ADAM22: variants seen among roughly 807,000 people sequenced by gnomAD.
ADAM22 encodes the protein disintegrin and metalloproteinase domain-containing protein 22.
A neutral mutation model predicts 144.6 loss-of-function variants in ADAM22; 65 were observed. The observed-to-expected ratio is 0.45, with a 90% CI of 0.37 to 0.55. ADAM22 has a LOEUF of 0.55. ADAM22 is among the 20% of genes least tolerant of loss of function. The pLI, the probability that ADAM22 is intolerant of heterozygous loss-of-function variation, is 0.00. For missense variants in ADAM22, 974 were observed against 1,184.9 expected, an observed-to-expected ratio of 0.82 and a Z score of 2.61; for synonymous variants, 391 against 412.6, an observed-to-expected ratio of 0.95 and a Z score of 0.63.
intron 2 of ADAM22, among the ~76,000 whole-genome samples, chr7:87,952,351 AG>A (rs1454313297): frequency 6.6e-6 from 1 of 151,884 alleles, no homozygotes; most frequent in Non-Finnish European, 1.5e-5. Flanking sequence ...TTTAGCATGA[AG>A]GGCTGTTGAA....
rs10952913 is a variant in ADAM22 at position 88,123,213 on chromosome 7, T to G, written c.608-2376T>G. 2.0e-5 allele frequency among the ~76,000 whole-genome samples: 3 copies of G among 151,994 alleles called. No individual in the cohort carries two copies. The East Asian group carries it at 5.8e-4, about 29-fold the overall frequency. On this transcript the variant is annotated intron_variant, in intron 7 of 31. Coordinates refer to ENST00000413139, the MANE Select transcript of ADAM22 (RefSeq NM_001324418.2). ...GTAAAATATAGGTTCAGAAAGCATA[T>G]TGGACTGTAGTTTTCTTTTCTGGTT...
At chr7:87,964,259 C>T (rs1848581989) in intron 2 of ADAM22, among the ~76,000 whole-genome samples, 1 of 152,276 alleles carries the variant, frequency 6.6e-6, no homozygotes, top group African/African-American at 2.4e-5. Context: ...AATGTATACA[C>T]GTGCACACAC....
intron 2 of ADAM22, among the ~76,000 whole-genome samples, chr7:87,957,557 C>T (rs1221001769): frequency 6.6e-6 from 1 of 151,924 alleles, no homozygotes; most frequent in Non-Finnish European, 1.5e-5. Flanking sequence ...TGGTGTGCAT[C>T]CTTTCCGTCT....
At chr7:88,184,300 C>G in intron 29 of ADAM22, 1 of 411,942 alleles carries the variant, frequency 2.4e-6, no homozygotes, top group South Asian at 1.7e-5. Context: ...AGGAGGGAGC[C>G]CCAAGCACCT....
Position 88,197,339 on chromosome 7 carries a change from G to A in ADAM22, c.*848G>A, listed in dbSNP as rs1248830397. ...CCTTTAACCTGTGCACAGTCTGGAG[G>A]CAGTTTTATTGAGTGAGTAGTTGAG... On this transcript the variant is annotated 3_prime_UTR_variant, in exon 32 of 32. Coordinates refer to ENST00000413139, the MANE Select transcript of ADAM22 (RefSeq NM_001324418.2). 3 of 152,186 alleles carry A rather than the reference G, an allele frequency of 2.0e-5. No individual in the cohort carries two copies. Among genetic ancestry groups the A allele is most frequent in the Non-Finnish European group, 4.4e-5 (3 of 68,040 alleles). 9.4% of individuals were successfully genotyped at this position (152,186 alleles called of 1,614,324 possible). A position where few individuals can be genotyped will look rare whatever the true frequency, so the allele number is the denominator to read the frequency against.
At chr7:88,064,827 T>C (rs1810807477) in intron 3 of ADAM22, among the ~76,000 whole-genome samples, 1 of 152,174 alleles carries the variant, frequency 6.6e-6, no homozygotes, top group Admixed American at 6.6e-5. Context: ...TTTGGAAGGA[T>C]GCATCCATTC....
intron 12 of ADAM22, among the ~76,000 whole-genome samples, 169 bp from the exon 13 acceptor site, chr7:88,134,160 C>T (rs1468581317): frequency 6.6e-6 from 1 of 152,110 alleles, no homozygotes; most frequent in Admixed American, 6.6e-5. Context: ...TTGTTTCTTA[C>T]TACTTTTTCC....
At chr7:88,007,674 G>T (rs1337419135) in intron 3 of ADAM22, among the ~76,000 whole-genome samples, 1 of 152,152 alleles carries the variant, frequency 6.6e-6, no homozygotes, top group Non-Finnish European at 1.5e-5. Flanking sequence ...AATAAATGGT[G>T]CTGGGAAAAC....
chr7:88,100,736 G>T (rs894664910), intron 4 of ADAM22, among the ~76,000 whole-genome samples: 2 of 152,050 alleles, frequency 1.3e-5, no homozygotes, highest in African/African-American at 2.4e-5. Flanking sequence ...GACTTGTCTT[G>T]AACTCCTGGC....
intron 3 of ADAM22, among the ~76,000 whole-genome samples, chr7:88,045,897 T>TGTGTAC (rs1462741408): frequency 6.9e-6 from 1 of 144,792 alleles, no homozygotes; most frequent in Admixed American, 6.8e-5. Context: ...ATTGTGTGTG[T>TGTGTAC]GTGTGTGTGT....
chr7:88,115,569 C>T (rs1360015448), intron 6 of ADAM22, among the ~76,000 whole-genome samples: 5 of 152,098 alleles, frequency 3.3e-5, no homozygotes, highest in African/African-American at 1.2e-4. Context: ...TATAAGGGTA[C>T]CAGCTATACT....
intron 3 of ADAM22, among the ~76,000 whole-genome samples, chr7:88,056,540 G>C (rs961816915): frequency 6.6e-6 from 1 of 152,302 alleles, no homozygotes. Context: ...GCTGAATTTA[G>C]TTTGAGGAAT....
At chr7:88,193,767 T>C (rs569872826) in intron 31 of ADAM22, among the ~76,000 whole-genome samples, 1 of 152,356 alleles carries the variant, frequency 6.6e-6, no homozygotes, top group East Asian at 1.9e-4. Flanking sequence ...AAATAAAGCT[T>C]ATAAGCCTCG....
chr7:88,005,608 G>C (rs1472274821), intron 3 of ADAM22, among the ~76,000 whole-genome samples: 5 of 152,134 alleles, frequency 3.3e-5, no homozygotes, highest in Admixed American at 3.3e-4. Context: ...ATTATACACA[G>C]ATGCTTAAGG....
intron 5 of ADAM22, among the ~76,000 whole-genome samples, chr7:88,111,797 AT>A (rs1457298738): frequency 2.6e-5 from 4 of 152,138 alleles, no homozygotes; most frequent in African/African-American, 7.2e-5. Flanking sequence ...AAACACATGT[AT>A]TTTTTCATTA....
At chr7:88,166,764 G>A (rs116620810) in intron 24 of ADAM22, among the ~76,000 whole-genome samples, 6 of 152,224 alleles carry the variant, frequency 3.9e-5, no homozygotes, top group African/African-American at 1.2e-4. Context: ...CAGTGGTAGT[G>A]TGGAGCTTGT....
chr7:88,201,272 G>C lies in ADAM22; in HGVS notation c.*4781G>C, dbSNP rs1028487658. 15 of 152,142 alleles carry C rather than the reference G, an allele frequency of 9.9e-5. No individual in the cohort carries two copies. Among genetic ancestry groups the C allele is most frequent in the African/African-American group, 3.1e-4 (13 of 41,410 alleles). 9.4% of individuals were successfully genotyped at this position (152,142 alleles called of 1,614,324 possible). A position where few individuals can be genotyped will look rare whatever the true frequency, so the allele number is the denominator to read the frequency against. On this transcript the variant is annotated 3_prime_UTR_variant, in exon 32 of 32. Coordinates refer to ENST00000413139, the MANE Select transcript of ADAM22 (RefSeq NM_001324418.2). ...ATGCTCTAGGGAGTAGAGGTGGCAG[G>C]CATCTTTATCTTCACCCACTGGCAC...
At chr7:88,112,181 C>T (rs1453717373) in intron 5 of ADAM22, among the ~76,000 whole-genome samples, 1 of 152,224 alleles carries the variant, frequency 6.6e-6, no homozygotes, top group African/African-American at 2.4e-5. Flanking sequence ...TAATGTCTTA[C>T]AAACTGCATC....
chr7:88,008,867 G>A (rs1258487596), intron 3 of ADAM22, among the ~76,000 whole-genome samples: 3 of 149,602 alleles, frequency 2.0e-5, no homozygotes, highest in Non-Finnish European at 3.0e-5. Flanking sequence ...TGCACATTGT[G>A]CACATGTACC....
Sources: allele counts gnomAD v4.1 joint callset (sites outside exome capture counted in the v4.1 genomes callset), GRCh38; gene constraint gnomAD v4.1.1; transcripts MANE v1.5; gene names NCBI Gene and HGNC (gene_info 2026-07-23, HGNC 2026-07-21).